The following RPS6KC1 variants were observed in gnomAD, a reference collection of about 807,000 sequenced individuals.
The protein encoded by RPS6KC1 is ribosomal protein S6 kinase C1.
In RPS6KC1, 54 loss-of-function variants were observed where a neutral mutation model predicts 103.8. The observed-to-expected ratio is 0.52, with a 90% CI of 0.42 to 0.65. The LOEUF (loss-of-function observed/expected upper bound fraction) is 0.65, where lower values mean the gene tolerates loss of function less well. RPS6KC1 is among the 30% of genes least tolerant of loss of function. RPS6KC1 has a pLI of 0.00. For synonymous variants in RPS6KC1, 439 were observed against 438.7 expected, an observed-to-expected ratio of 1.00 and a Z score of -0.01; for missense variants, 1,151 against 1,253.8, an observed-to-expected ratio of 0.92 and a Z score of 1.24.
At chr1:213,722,205 C>T in the RPS6KC1 span, among the ~76,000 whole-genome samples, 6 of 152,254 alleles carry the variant, frequency 3.9e-5, no homozygotes, top group South Asian at 1.2e-3. Flanking sequence ...ACCCAGATCT[C>T]ATGCTTTGCT....
At chr1:213,370,248 A>ATTTTATTTTATTTTATTTTAT in the RPS6KC1 span, among the ~76,000 whole-genome samples, 46 of 142,156 alleles carry the variant, frequency 3.2e-4, no homozygotes, top group African/African-American at 1.2e-3. Context: ...ATTTTATTTT[A>ATTTTATTTTATTTTATTTTAT]TTTATTTTAT....
chr1:213,629,584 T>C, the RPS6KC1 span, among the ~76,000 whole-genome samples: 4 of 152,110 alleles, frequency 2.6e-5, no homozygotes, highest in Admixed American at 2.6e-4. Context: ...CCCATTTACA[T>C]TTAAGGTTAA....
chr1:213,625,874 G>A, the RPS6KC1 span, among the ~76,000 whole-genome samples: 1 of 152,112 alleles, frequency 6.6e-6, no homozygotes, highest in African/African-American at 2.4e-5. Flanking sequence ...ATTGTGAATA[G>A]TGCCGCAATA....
intron 12 of RPS6KC1, among the ~76,000 whole-genome samples, chr1:213,243,430 T>C (rs2094399327): frequency 6.6e-6 from 1 of 152,002 alleles, no homozygotes; most frequent in African/African-American, 2.4e-5. Context: ...ACAATGGAGG[T>C]TTTAAAAATG....
the RPS6KC1 span, among the ~76,000 whole-genome samples, chr1:213,630,653 C>T: frequency 3.3e-5 from 5 of 152,166 alleles, no homozygotes; most frequent in African/African-American, 1.2e-4. Flanking sequence ...AGGAGAGGTG[C>T]TCTGATTTTT....
chr1:213,218,266 C>T (rs2093723689), intron 8 of RPS6KC1, among the ~76,000 whole-genome samples: 1 of 152,118 alleles, frequency 6.6e-6, no homozygotes, highest in Non-Finnish European at 1.5e-5. Flanking sequence ...AACTCCCATT[C>T]ACAATTGCTT....
the RPS6KC1 span, among the ~76,000 whole-genome samples, chr1:213,376,629 C>A: frequency 2.0e-5 from 3 of 152,168 alleles, no homozygotes; most frequent in East Asian, 3.8e-4. Flanking sequence ...CCCTTTCTAT[C>A]CTTCTCTAAC....
chr1:213,635,605 G>A, the RPS6KC1 span, among the ~76,000 whole-genome samples: 10 of 152,200 alleles, frequency 6.6e-5, no homozygotes, highest in African/African-American at 2.2e-4. Flanking sequence ...ACTAGCTATC[G>A]ATGGAATGTA....
the RPS6KC1 span, among the ~76,000 whole-genome samples, chr1:213,491,964 G>T: frequency 6.6e-6 from 1 of 152,126 alleles, no homozygotes; most frequent in Non-Finnish European, 1.5e-5. Context: ...AGGGACTGTG[G>T]CTTTCCTGCC....
chr1:213,814,598 C>T, the RPS6KC1 span, among the ~76,000 whole-genome samples: 5 of 152,198 alleles, frequency 3.3e-5, no homozygotes, highest in African/African-American at 1.2e-4. Flanking sequence ...CCCTGAAGCT[C>T]CATCTTCTTA....
the RPS6KC1 span, among the ~76,000 whole-genome samples, chr1:213,397,022 G>A: frequency 6.6e-6 from 1 of 152,102 alleles, no homozygotes; most frequent in African/African-American, 2.4e-5. Context: ...CAAAACATAA[G>A]TCCTTTAAAG....
At chr1:213,802,336 C>T in the RPS6KC1 span, among the ~76,000 whole-genome samples, 1 of 152,128 alleles carries the variant, frequency 6.6e-6, no homozygotes, top group Non-Finnish European at 1.5e-5. Context: ...TCCAGTAAAC[C>T]TAGAAAAACA....
intron 4 of RPS6KC1, among the ~76,000 whole-genome samples, chr1:213,112,239 C>T (rs1572598252): frequency 1.3e-5 from 2 of 152,124 alleles, no homozygotes; most frequent in South Asian, 2.1e-4. Flanking sequence ...TATTAAGGAG[C>T]AGAAGAGCTA....
chr1:213,686,190 C>A, the RPS6KC1 span, among the ~76,000 whole-genome samples: 1 of 152,204 alleles, frequency 6.6e-6, no homozygotes, highest in East Asian at 1.9e-4. Flanking sequence ...TGGGACATTG[C>A]CCTCTGGAAG....
intron 5 of RPS6KC1, among the ~76,000 whole-genome samples, chr1:213,124,061 G>T (rs553007556): frequency 6.6e-6 from 1 of 152,228 alleles, no homozygotes; most frequent in East Asian, 1.9e-4. Context: ...CAGAGGTAAG[G>T]GTAGGTAGGT....
intron 6 of RPS6KC1, among the ~76,000 whole-genome samples, chr1:213,145,680 C>T (rs2087672561): frequency 6.6e-6 from 1 of 151,786 alleles, no homozygotes; most frequent in Admixed American, 6.6e-5. Flanking sequence ...ATAATTAGGC[C>T]CACTCCCACA....
chr1:213,592,523 G>A, the RPS6KC1 span, among the ~76,000 whole-genome samples: 1,950 of 152,266 alleles, frequency 0.013, 44 homozygotes, highest in African/African-American at 0.044. Context: ...GGGGTAGCAG[G>A]TGCTCTCCAG....
chr1:213,844,959 T>C, the RPS6KC1 span, among the ~76,000 whole-genome samples: 1 of 150,614 alleles, frequency 6.6e-6, no homozygotes. Flanking sequence ...CACCCCCACA[T>C]TACGGGAAAT....
chr1:213,532,168 G>A, the RPS6KC1 span, among the ~76,000 whole-genome samples: 2 of 152,154 alleles, frequency 1.3e-5, no homozygotes, highest in Non-Finnish European at 2.9e-5. Context: ...ACCTCCATAG[G>A]CTCCAACCAA....
Sources: allele counts gnomAD v4.1 joint callset (sites outside exome capture counted in the v4.1 genomes callset), GRCh38; gene constraint gnomAD v4.1.1; transcripts MANE v1.5; gene names NCBI Gene and HGNC (gene_info 2026-07-23, HGNC 2026-07-21).